EIPR1: variants seen among roughly 807,000 people sequenced by gnomAD.
EIPR1 encodes the protein EARP complex and GARP complex interacting protein 1.
In EIPR1, 25 loss-of-function variants were observed where a neutral mutation model predicts 48.1. The observed-to-expected ratio is 0.52, with a 90% CI of 0.38 to 0.73. EIPR1 has a LOEUF of 0.73. Among genes scored for constraint, EIPR1 ranks in the 30% least tolerant of loss-of-function variants. EIPR1 has a pLI of 0.00. For synonymous variants in EIPR1, 204 were observed against 201.9 expected (o/e 1.01, Z -0.09); for missense variants, 415 against 506.2 (o/e 0.82, Z 1.73).
chr2:3,320,933 C>A (rs1210387969), intron 3 of EIPR1, among the ~76,000 whole-genome samples: 2 of 152,148 alleles, frequency 1.3e-5, no homozygotes, highest in East Asian at 3.8e-4. Context: ...AAAATTAGAG[C>A]CCCAAAAATA....
At position 3,189,229 on chromosome 2, in the gene EIPR1, A is replaced by C. The variant is rs990099107; in HGVS notation, c.*105T>G. ...GAAGGGAACAGCGGCTCTCCCAGAGAGGGATCCACCTGGAACACGAGTCAC... is the reference window on the plus strand; with the variant it reads ...GAAGGGAACAGCGGCTCTCCCAGAGCGGGATCCACCTGGAACACGAGTCAC... On this transcript the variant is annotated 3_prime_UTR_variant, in exon 9 of 9. Transcript: ENST00000382125. This position sits in a 1 kb window ranked among gnomAD's most constrained non-coding sequence, Gnocchi z 4.6. 3 of 1,224,638 alleles carry C rather than the reference A, an allele frequency of 2.4e-6. No individual in the cohort carries two copies. The highest frequency in any genetic ancestry group is 3.0e-5 in the African/African-American group (2 of 65,670). The allele number at this position is 1,224,638 out of a possible 1,614,324, so 75.9% of individuals were successfully genotyped here. A position where few individuals can be genotyped will look rare whatever the true frequency, so the allele number is the denominator to read the frequency against.
At chr2:3,208,601 G>C (rs1483388529) in intron 5 of EIPR1, 2 of 1,550,664 alleles carry the variant, frequency 1.3e-6, no homozygotes, top group Middle Eastern at 1.7e-4. Flanking sequence ...TGAGCTCACT[G>C]AGTGTCTGTT....
chr2:3,242,164 G>A (rs1023372751), intron 4 of EIPR1, among the ~76,000 whole-genome samples: 5 of 151,782 alleles, frequency 3.3e-5, no homozygotes, highest in South Asian at 2.1e-4. Context: ...TCAGGCCCCC[G>A]ACTCCACACC....
Position 3,192,839 on chromosome 2 carries a change from C to T in EIPR1, c.822-258G>A, listed in dbSNP as rs866327684. On this transcript the variant is annotated intron_variant, in intron 7 of 8. Coordinates refer to ENST00000382125, the MANE Select transcript of EIPR1 (RefSeq NM_003310.5). ...ACCTACAGGAGGAGAAGGCTTATCA[C>T]GCAACATTTCAGACAAGCTTTCTAA... 2.1e-4 allele frequency among the ~76,000 whole-genome samples: 31 copies of T among 148,808 alleles called. No individual in the cohort carries two copies. In the Middle Eastern group the frequency reaches 0.017, roughly 82 times the overall value.
At chr2:3,362,489 C>T (rs945466472) in intron 1 of EIPR1, among the ~76,000 whole-genome samples, 1 of 152,160 alleles carries the variant, frequency 6.6e-6, no homozygotes, top group African/African-American at 2.4e-5. Context: ...AACCTTGCCA[C>T]AAAAGCTACT....
intron 2 of EIPR1, among the ~76,000 whole-genome samples, chr2:3,347,607 AGACT>A (rs1670442913): frequency 6.6e-6 from 1 of 152,236 alleles, no homozygotes; most frequent in Non-Finnish European, 1.5e-5. Flanking sequence ...GCATGAAAAC[AGACT>A]GATACAGGGT....
At chr2:3,202,205 G>A (rs969559141) in intron 5 of EIPR1, among the ~76,000 whole-genome samples, 3 of 152,222 alleles carry the variant, frequency 2.0e-5, no homozygotes, top group African/African-American at 7.2e-5. Flanking sequence ...CCAAAGTGCT[G>A]GGATTACAGG....
chr2:3,195,222 A>G (rs1664766390), intron 6 of EIPR1, among the ~76,000 whole-genome samples: 1 of 152,172 alleles, frequency 6.6e-6, no homozygotes, highest in Non-Finnish European at 1.5e-5. Context: ...CGCCCAGGAG[A>G]GCAAAGAACC....
At position 3,342,463 on chromosome 2, in the gene EIPR1, G is replaced by A. The variant is rs181448757; in HGVS notation, c.127-4314C>T. Among the ~76,000 whole-genome samples the A allele has an allele frequency of 9.8e-5, 15 of 152,354 alleles. No homozygotes were observed. The East Asian group carries it at 2.7e-3, about 27-fold the overall frequency. On this transcript the variant is annotated intron_variant, in intron 2 of 8. Coordinates refer to ENST00000382125, the MANE Select transcript of EIPR1 (RefSeq NM_003310.5). ...AAATCTGCTCCCCTGAAATGAACCA[G>A]GGCAGCAGGCGCAGCCGGGGGCTTT...
At chr2:3,356,370 T>A (rs1670729540) in intron 1 of EIPR1, among the ~76,000 whole-genome samples, 1 of 152,210 alleles carries the variant, frequency 6.6e-6, no homozygotes, top group Non-Finnish European at 1.5e-5. Context: ...CAGCCTGAAT[T>A]GCAATAGCTA....
chr2:3,243,728 G>C (rs1011855229), intron 4 of EIPR1, among the ~76,000 whole-genome samples: 2 of 152,162 alleles, frequency 1.3e-5, no homozygotes. Flanking sequence ...TGTGTAGGCA[G>C]AAAAACAACG....
At chr2:3,300,454 C>CT (rs1284091790) in intron 3 of EIPR1, among the ~76,000 whole-genome samples, 1 of 152,112 alleles carries the variant, frequency 6.6e-6, no homozygotes, top group Non-Finnish European at 1.5e-5. Flanking sequence ...CTTACAGTGC[C>CT]TTCATCATTG....
intron 4 of EIPR1, among the ~76,000 whole-genome samples, chr2:3,252,091 C>T (rs1174597580): frequency 6.6e-6 from 1 of 152,190 alleles, no homozygotes; most frequent in East Asian, 1.9e-4. Context: ...CAGAACGGTT[C>T]AATACGATAT....
intron 5 of EIPR1, among the ~76,000 whole-genome samples, chr2:3,199,924 G>C (rs1425015838): frequency 8.6e-6 from 1 of 116,574 alleles, no homozygotes; most frequent in African/African-American, 3.2e-5. Context: ...GGCACACATG[G>C]GGGGGTGTCC....
chr2:3,361,133 G>C (rs939800361), intron 1 of EIPR1, among the ~76,000 whole-genome samples: 4 of 152,144 alleles, frequency 2.6e-5, no homozygotes, highest in African/African-American at 9.7e-5. Flanking sequence ...AGGTGATGAT[G>C]CTCTATTTCT....
At chr2:3,217,450 T>C (rs535490023) in intron 4 of EIPR1, among the ~76,000 whole-genome samples, 1 of 152,194 alleles carries the variant, frequency 6.6e-6, no homozygotes, top group Admixed American at 6.5e-5. Context: ...ACATAGGTAC[T>C]TCGTAAAACT....
At chr2:3,201,219 G>C (rs772143264) in intron 5 of EIPR1, among the ~76,000 whole-genome samples, 19 of 152,136 alleles carry the variant, frequency 1.2e-4, no homozygotes, top group Non-Finnish European at 2.1e-4. Flanking sequence ...ACCAGGGCCT[G>C]ACATCCCCCT....
chr2:3,347,980 C>T (rs1670453715), intron 2 of EIPR1, among the ~76,000 whole-genome samples: 1 of 152,162 alleles, frequency 6.6e-6, no homozygotes, highest in Admixed American at 6.5e-5. Flanking sequence ...GAAATCAAGG[C>T]TCAGTTAGCC....
At position 3,277,726 on chromosome 2, in the gene EIPR1, G is replaced by A. The variant is rs141076135; in HGVS notation, c.260-20271C>T. ...TGCCAGGCGCTGCCTGCAGTCGGCC[G>A]TATCTCAGCCCCTACCCTCCATTTA... On this transcript the variant is annotated intron_variant, in intron 3 of 8. Transcript: ENST00000382125. 3.2e-3 allele frequency among the ~76,000 whole-genome samples: 490 copies of A among 152,344 alleles called. 4 individuals are homozygous for A. Among genetic ancestry groups the A allele is most frequent in the African/African-American group, 0.011 (471 of 41,578 alleles).
Sources: allele counts gnomAD v4.1 joint callset (sites outside exome capture counted in the v4.1 genomes callset), GRCh38; gene constraint gnomAD v4.1.1; non-coding constraint Gnocchi (gnomAD v3.1); transcripts MANE v1.5; gene names NCBI Gene and HGNC (gene_info 2026-07-23, HGNC 2026-07-21).